GNAQ: variants seen among roughly 807,000 people sequenced by gnomAD.
GNAQ encodes guanine nucleotide-binding protein G(q) subunit alpha.
GNAQ carries 8 observed loss-of-function variants against 43.9 expected under a neutral mutation model. The ratio of observed to expected loss-of-function variants is 0.18; its 90% confidence interval spans 0.11 to 0.33. GNAQ has a LOEUF of 0.33. GNAQ is among the 10% of genes least tolerant of loss of function. The pLI is 1.00. For synonymous variants in GNAQ, 155 were observed against 170.7 expected (o/e 0.91, Z 0.71); for missense variants, 158 against 450.8 (o/e 0.35, Z 5.88).
intron 2 of GNAQ, among the ~76,000 whole-genome samples, chr9:77,874,108 A>AC (rs1828088708): frequency 1.3e-5 from 2 of 149,338 alleles, no homozygotes; most frequent in Non-Finnish European, 3.0e-5. Flanking sequence ...CCATCTCAAA[A>AC]AAAAAAAACA....
At chr9:78,016,212 G>A (rs1823836182) in intron 1 of GNAQ, among the ~76,000 whole-genome samples, 1 of 152,126 alleles carries the variant, frequency 6.6e-6, no homozygotes, top group South Asian at 2.1e-4. Context: ...CCAAAAAGCA[G>A]AAGCAATTCT....
chr9:77,755,417 A>G (rs1409084946), intron 5 of GNAQ, among the ~76,000 whole-genome samples: 1 of 152,170 alleles, frequency 6.6e-6, no homozygotes, highest in Non-Finnish European at 1.5e-5. Context: ...TATCCCACTT[A>G]CCCTGATGTG....
In GNAQ at chr9:77,717,232, G is replaced by C; in HGVS notation, c.*4091C>G. On this transcript the variant is annotated 3_prime_UTR_variant, in exon 7 of 7. Transcript: ENST00000286548. ...TATATCTTTGGAAGAAAATATTAATGTATACCAAGCACACCTTATTTGTAT... is the reference window on the plus strand; with the variant it reads ...TATATCTTTGGAAGAAAATATTAATCTATACCAAGCACACCTTATTTGTAT... The C allele has an allele frequency of 4.3e-6, 1 of 232,310 alleles. No individual in the cohort carries two copies. Among genetic ancestry groups the C allele is most frequent in the East Asian group, 6.1e-5 (1 of 16,374 alleles). 14.4% of individuals were successfully genotyped at this position (232,310 alleles called of 1,614,324 possible).
chr9:77,878,388 T>C (rs1164869159), intron 2 of GNAQ, among the ~76,000 whole-genome samples: 1 of 152,174 alleles, frequency 6.6e-6, no homozygotes, highest in African/African-American at 2.4e-5. Flanking sequence ...GACACCTCTG[T>C]GCCTTACAAA....
At chr9:77,946,204 G>A (rs998980385) in intron 1 of GNAQ, among the ~76,000 whole-genome samples, 4 of 152,092 alleles carry the variant, frequency 2.6e-5, no homozygotes, top group Non-Finnish European at 5.9e-5. Flanking sequence ...AAGAAAAACA[G>A]AAACATTTTG....
intron 5 of GNAQ, among the ~76,000 whole-genome samples, chr9:77,759,550 C>CT (rs1359183177): frequency 1.3e-5 from 2 of 152,216 alleles, no homozygotes; most frequent in Non-Finnish European, 2.9e-5. Context: ...GCACGTGACT[C>CT]TAAGTACTGC....
intron 2 of GNAQ, among the ~76,000 whole-genome samples, chr9:77,854,875 G>A (rs780517193): frequency 1.3e-5 from 2 of 152,160 alleles, no homozygotes; most frequent in Admixed American, 6.6e-5. Flanking sequence ...TAGAAGTTCA[G>A]GGTTTCGTGT....
intron 1 of GNAQ, among the ~76,000 whole-genome samples, chr9:77,974,614 G>C (rs923843038): frequency 6.6e-6 from 1 of 152,114 alleles, no homozygotes; most frequent in African/African-American, 2.4e-5. Flanking sequence ...AGGTCAGAGG[G>C]GAGGATAATG....
chr9:77,858,825 ACAG>A (rs1323742187), intron 2 of GNAQ, among the ~76,000 whole-genome samples: 1 of 151,878 alleles, frequency 6.6e-6, no homozygotes, highest in East Asian at 1.9e-4. Flanking sequence ...TACACAACTA[ACAG>A]CCAAGTCTCT....
At chr9:77,815,844 T>C (rs1309570954) in intron 2 of GNAQ, 74 bp from the exon 3 acceptor site, 6 of 929,522 alleles carry the variant, frequency 6.5e-6, no homozygotes, top group East Asian at 4.9e-5. Context: ...TATTACATTA[T>C]ATACAATTCA....
At chr9:78,016,010 A>G (rs1823833776) in intron 1 of GNAQ, among the ~76,000 whole-genome samples, 1 of 152,212 alleles carries the variant, frequency 6.6e-6, no homozygotes, top group African/African-American at 2.4e-5. Flanking sequence ...TGAGAAAAGA[A>G]TACGTTTTTT....
intron 5 of GNAQ, among the ~76,000 whole-genome samples, chr9:77,784,009 TAAA>T (rs1272320743): frequency 1.3e-5 from 2 of 152,154 alleles, no homozygotes; most frequent in Non-Finnish European, 2.9e-5. Flanking sequence ...AGTATGGAAT[TAAA>T]AGAAGAAATA....
intron 1 of GNAQ, among the ~76,000 whole-genome samples, chr9:77,957,097 G>A (rs906193935): frequency 2.0e-5 from 3 of 152,164 alleles, no homozygotes; most frequent in Non-Finnish European, 4.4e-5. Context: ...GGTGGCTCAC[G>A]CCTGTCATCC....
chr9:77,956,065 CTTTT>C (rs1161047913), intron 1 of GNAQ, among the ~76,000 whole-genome samples: 2 of 152,094 alleles, frequency 1.3e-5, no homozygotes, highest in Non-Finnish European at 2.9e-5. Context: ...GAAATATTGT[CTTTT>C]TTGTTATGAA....
intron 1 of GNAQ, among the ~76,000 whole-genome samples, chr9:77,945,947 C>T (rs1015997881): frequency 6.6e-6 from 1 of 152,178 alleles, no homozygotes; most frequent in African/African-American, 2.4e-5. Context: ...ATAAGGTTGC[C>T]ACACTTCCTG....
chr9:77,973,023 A>G (rs948460388), intron 1 of GNAQ, among the ~76,000 whole-genome samples: 73 of 151,940 alleles, frequency 4.8e-4, no homozygotes, highest in African/African-American at 1.7e-3. Context: ...GGAAAAAAAA[A>G]AAAAAACAAG....
intron 6 of GNAQ, among the ~76,000 whole-genome samples, chr9:77,722,544 A>G (rs1237861921): frequency 6.6e-6 from 1 of 152,140 alleles, no homozygotes; most frequent in Non-Finnish European, 1.5e-5. Context: ...CTAAAAATGT[A>G]ATTTTGCAAT....
intron 5 of GNAQ, among the ~76,000 whole-genome samples, chr9:77,793,348 C>T (rs562664301): frequency 1.6e-4 from 24 of 152,024 alleles, no homozygotes; most frequent in Middle Eastern, 3.4e-3. Flanking sequence ...GGAATGATTC[C>T]GAAATGCATG....
At chr9:77,933,706 A>G (rs1416122538) in intron 1 of GNAQ, among the ~76,000 whole-genome samples, 1 of 152,198 alleles carries the variant, frequency 6.6e-6, no homozygotes, top group Non-Finnish European at 1.5e-5. Flanking sequence ...ACTTCCCTGA[A>G]CATTATTTGG....
Sources: gnomAD v4.1 joint callset for allele counts (sites outside exome capture counted in the v4.1 genomes callset) on GRCh38, gnomAD v4.1.1 for gene constraint, MANE v1.5 for transcripts, NCBI Gene and HGNC (gene_info 2026-07-23, HGNC 2026-07-21) for gene names.